The following AMMECR1 variants were observed in gnomAD, a reference collection of about 807,000 sequenced individuals.
The protein encoded by AMMECR1 is AMMECR nuclear protein 1.
A neutral mutation model predicts 22.5 loss-of-function variants in AMMECR1; 3 were observed. That is an observed-to-expected ratio of 0.13 (90% CI 0.06 to 0.35). The LOEUF (loss-of-function observed/expected upper bound fraction) is 0.35, where lower values mean the gene tolerates loss of function less well. Ranked by LOEUF, AMMECR1 falls within the 10% of genes least tolerant of loss-of-function variation. The pLI is 1.00. For synonymous variants in AMMECR1, 130 were observed against 116.7 expected (o/e 1.11, Z -0.74); for missense variants, 235 against 278.7 (o/e 0.84, Z 1.12).
intron 1 of AMMECR1, among the ~76,000 whole-genome samples, chrX:110,304,408 T>A (rs2067983427): frequency 8.9e-6 from 1 of 112,321 alleles, no homozygotes; most frequent in Admixed American, 9.4e-5. Flanking sequence ...ATTATAGTAT[T>A]TTTAAACTAC....
intron 2 of AMMECR1, among the ~76,000 whole-genome samples, chrX:110,247,334 T>C (rs756187546): frequency 8.9e-6 from 1 of 112,108 alleles, no homozygotes; most frequent in African/African-American, 3.2e-5. Flanking sequence ...GCCAGGTGGA[T>C]AGCTTGAGCC....
intron 2 of AMMECR1, among the ~76,000 whole-genome samples, chrX:110,239,640 T>C (rs1466619732): frequency 2.7e-5 from 3 of 111,654 alleles, no homozygotes; most frequent in Non-Finnish European, 3.8e-5. Context: ...CAGGATATTA[T>C]CCAGGAGAAC....
chrX:110,421,611 G>A (rs1304631546), intron 2 of AMMECR1, among the ~76,000 whole-genome samples: 1 of 112,765 alleles, frequency 8.9e-6, no homozygotes, highest in Non-Finnish European at 1.9e-5. Flanking sequence ...TCCACACAAG[G>A]CAATGAGTAA....
Position 110,196,523 on chromosome X carries a change from G to T in AMMECR1, c.*1997C>A. On this transcript the variant is annotated 3_prime_UTR_variant, in exon 6 of 6. Coordinates refer to ENST00000262844, the MANE Select transcript of AMMECR1 (RefSeq NM_015365.3). The stretch of plus-strand genomic sequence containing the variant: ...TGTTTTTATACTGAAAGACTAATCT[G>T]CTCCAAAATGCTCCCAAGTAGAAAT... 9.2e-6 allele frequency: 1 copy of T among 109,245 alleles called. No individual in the cohort carries two copies. Among genetic ancestry groups the T allele is most frequent in the South Asian group, 3.9e-4 (1 of 2,540 alleles). The allele number at this position is 109,245 out of a possible 1,213,427, so 9.0% of individuals were successfully genotyped here.
intron 2 of AMMECR1, among the ~76,000 whole-genome samples, chrX:110,365,342 G>A (rs2068290310): frequency 8.9e-6 from 1 of 112,025 alleles, no homozygotes; most frequent in African/African-American, 3.2e-5. Flanking sequence ...GTGAAATCAG[G>A]CTTCCATGAC....
At chrX:110,224,305 A>G (rs16985949) in intron 2 of AMMECR1, among the ~76,000 whole-genome samples, 9,197 of 111,161 alleles carry the variant, frequency 0.083, 984 homozygotes, top group African/African-American at 0.29. Flanking sequence ...TTAAACACCC[A>G]CTATTTGCTT....
intron 2 of AMMECR1, among the ~76,000 whole-genome samples, chrX:110,242,386 T>C (rs1472924847): frequency 8.9e-6 from 1 of 111,918 alleles, no homozygotes; most frequent in Non-Finnish European, 1.9e-5. Flanking sequence ...AAAATAATCA[T>C]AGGTCAATGT....
intron 1 of AMMECR1, among the ~76,000 whole-genome samples, chrX:110,270,399 G>A (rs993700490): frequency 3.6e-5 from 4 of 111,725 alleles, no homozygotes; most frequent in African/African-American, 1.3e-4. Flanking sequence ...GGCAGACAGT[G>A]CAGAATCACC....
chrX:110,405,104 G>A (rs972248698), intron 2 of AMMECR1, among the ~76,000 whole-genome samples: 1 of 86,535 alleles, frequency 1.2e-5, no homozygotes, highest in Non-Finnish European at 2.2e-5. Flanking sequence ...CCCCCCCCAA[G>A]CATGAGTCAG....
intron 2 of AMMECR1, among the ~76,000 whole-genome samples, chrX:110,403,556 A>G (rs1290218786): frequency 9.0e-6 from 1 of 111,470 alleles, no homozygotes; most frequent in Non-Finnish European, 1.9e-5. Context: ...CATTAGAGAC[A>G]CAGGCTCTGC....
intron 2 of AMMECR1, among the ~76,000 whole-genome samples, chrX:110,357,601 T>G (rs1042210180): frequency 4.4e-5 from 5 of 112,460 alleles, no homozygotes; most frequent in African/African-American, 1.3e-4. Context: ...ATGAAATATA[T>G]TTAATCCAGT....
intron 2 of AMMECR1, among the ~76,000 whole-genome samples, chrX:110,256,091 G>A (rs139165913): frequency 0.024 from 2,680 of 111,633 alleles, 79 homozygotes; most frequent in African/African-American, 0.083. Context: ...TTGTGTGAAC[G>A]TCATAGAGTG....
chrX:110,317,822 C>T lies in AMMECR1; in HGVS notation c.250G>A (p.Ala84Thr). 8.7e-7 allele frequency: 1 copy of T among 1,155,252 alleles called. No homozygotes were observed. The highest frequency in any genetic ancestry group is 2.6e-5 in the Admixed American group (1 of 38,918). Residue 84 changes from alanine to threonine, a missense_variant, in exon 1 of 6, where the codon GCC becomes ACC. Physicochemically the swap from Ala to Thr is moderately conservative, Grantham distance 58. Coordinates refer to ENST00000262844, the MANE Select transcript of AMMECR1 (RefSeq NM_015365.3). Reference protein sequence around the residue: ...QGCGGGGGGIALSPPPSCGVG... With the variant: ...QGCGGGGGGITLSPPPSCGVG... ...CCGCAGCTCGGAGGTGGCGACAGGG[C>T]GATCCCCCCGCCGCCGCCGCCGCAG... is the stretch of plus-strand genomic sequence containing the variant.
At chrX:110,284,060 C>G (rs957631863) in intron 1 of AMMECR1, among the ~76,000 whole-genome samples, 4 of 110,781 alleles carry the variant, frequency 3.6e-5, no homozygotes, top group African/African-American at 1.3e-4. Context: ...CAGGAGGCGG[C>G]GGTTGCGGTG....
intron 1 of AMMECR1, among the ~76,000 whole-genome samples, chrX:110,285,413 A>T (rs2067874076): frequency 8.9e-6 from 1 of 112,006 alleles, no homozygotes; most frequent in African/African-American, 3.2e-5. Flanking sequence ...AGAATGTATA[A>T]AAATTCATCT....
At chrX:110,232,036 G>T (rs1283109048) in intron 2 of AMMECR1, among the ~76,000 whole-genome samples, 1 of 110,883 alleles carries the variant, frequency 9.0e-6, no homozygotes, top group African/African-American at 3.3e-5. Context: ...GAGACCCACA[G>T]AGAAACTTAG....
rs1320333356 is a variant in AMMECR1 at position 110,406,123 on chromosome X, T to G, written c.-148+20535A>C. The stretch of plus-strand genomic sequence containing the variant: ...AAGGTTCTGGAAAGTGGTTTTTTTT[T>G]TTTCTTCAAGTTCTGTGTTACATGT... On this transcript the variant is annotated intron_variant, in intron 2 of 7. Transcript: ENST00000372057. Among the ~76,000 whole-genome samples, 6 of 110,720 alleles carry G rather than the reference T, an allele frequency of 5.4e-5. No homozygotes were observed. The South Asian group carries it at 1.6e-3, about 29-fold the overall frequency.
chrX:110,291,416 C>T (rs1354892674), intron 1 of AMMECR1, among the ~76,000 whole-genome samples: 1 of 110,980 alleles, frequency 9.0e-6, no homozygotes, highest in Non-Finnish European at 1.9e-5. Flanking sequence ...GTCCTAGCTA[C>T]TCAGGAGGCT....
At chrX:110,413,028 T>G (rs2068651682) in intron 2 of AMMECR1, among the ~76,000 whole-genome samples, 1 of 111,566 alleles carries the variant, frequency 9.0e-6, no homozygotes, top group African/African-American at 3.3e-5. Context: ...AGGCTTCACA[T>G]CCCCCAGTTC....
Sources: gnomAD v4.1 joint callset for allele counts (sites outside exome capture counted in the v4.1 genomes callset) on GRCh38, gnomAD v4.1.1 for gene constraint, MANE v1.5 for transcripts, NCBI Gene and HGNC (gene_info 2026-07-23, HGNC 2026-07-21) for gene names.